The following NCOR2 variants were observed in gnomAD, a reference collection of about 807,000 sequenced individuals.
NCOR2 encodes the protein CTG repeat protein 26.
A neutral mutation model predicts 262.9 loss-of-function variants in NCOR2; 81 were observed. The ratio of observed to expected loss-of-function variants is 0.31; its 90% CI spans 0.26 to 0.37. The LOEUF is 0.37. Ranked by LOEUF, NCOR2 falls within the 10% of genes least tolerant of loss-of-function variation. The probability of loss-of-function intolerance (pLI) is 1.00; values close to 1 mark genes in which losing one functional copy is unlikely to be tolerated. For missense variants in NCOR2, 3,385 were observed against 3,621.4 expected (o/e 0.93, Z 1.68); for synonymous variants, 1,659 against 1,559.3 (o/e 1.06, Z -1.51).
intron 20 of NCOR2, among the ~76,000 whole-genome samples, chr12:124,369,644 C>T (rs964916279): frequency 1.3e-5 from 2 of 152,128 alleles, no homozygotes; most frequent in African/African-American, 4.8e-5. Context: ...AGAGTCCAGC[C>T]TCGTTCACTG....
At chr12:124,564,692 C>G (rs2052176853) in intron 1 of NCOR2, among the ~76,000 whole-genome samples, 1 of 151,994 alleles carries the variant, frequency 6.6e-6, no homozygotes, top group South Asian at 2.1e-4. Flanking sequence ...GCGTAGGTAC[C>G]ACCCCCGCCT....
upstream of NCOR2, among the ~76,000 whole-genome samples, chr12:124,536,173 C>G (rs1298147473): frequency 6.6e-6 from 1 of 152,144 alleles, no homozygotes; most frequent in Non-Finnish European, 1.5e-5. Flanking sequence ...AGCCCCAACC[C>G]TAAGGCGATC....
At chr12:124,366,340 A>G (rs2039035121) in intron 20 of NCOR2, among the ~76,000 whole-genome samples, 1 of 152,254 alleles carries the variant, frequency 6.6e-6, no homozygotes, top group Non-Finnish European at 1.5e-5. Flanking sequence ...TAGTCGCAGA[A>G]GGCCTCTAGT....
At chr12:124,362,095 C>T (rs2038635724) in intron 22 of NCOR2, 31 bp downstream of exon 24, 1 of 1,273,986 alleles carries the variant, frequency 7.8e-7, no homozygotes, top group Admixed American at 3.3e-5. Flanking sequence ...CCTGCTGCCC[C>T]AGCCCCACTC....
rs551092317 is a variant in NCOR2, at chr12:124,374,518, G to C, written c.2168-55C>G. ...TGAGGCAGCACCAAGTAGTGGGAGG[G>C]GAGGGAGGAGGCAACGTGGCCAAGA... On this transcript the variant is annotated intron_variant, in intron 18 of 46. Transcript: ENST00000405201. 4.2e-5 allele frequency: 65 copies of C among 1,558,576 alleles called. No individual in the cohort carries two copies. In the African/African-American group the frequency reaches 8.3e-4, roughly 20 times the overall value.
chr12:124,372,465 C>G (rs764876449), exon 20 of NCOR2: 15 of 1,558,826 alleles, frequency 9.6e-6, no homozygotes, highest in Non-Finnish European at 1.3e-5. Flanking sequence ...CCGGGATGTC[C>G]TCCGGTGGTG....
chr12:124,391,709 T>C (rs1172841250), intron 16 of NCOR2, among the ~76,000 whole-genome samples: 1 of 152,196 alleles, frequency 6.6e-6, no homozygotes, highest in Non-Finnish European at 1.5e-5. Flanking sequence ...CTATCTGCCT[T>C]AGCCTCCGCA....
At chr12:124,498,817 G>A (rs139633360), upstream of NCOR2, among the ~76,000 whole-genome samples, 43 of 152,324 alleles carry the variant, frequency 2.8e-4, no homozygotes, top group Admixed American at 2.3e-3. Flanking sequence ...AAAGAGGAAC[G>A]AAGGACGGCT....
At chr12:124,383,207 C>T (rs2040540061) in intron 17 of NCOR2, among the ~76,000 whole-genome samples, 2 of 152,182 alleles carry the variant, frequency 1.3e-5, no homozygotes, top group South Asian at 4.1e-4. Flanking sequence ...TTATTGTCCC[C>T]ATTTCACAGA....
chr12:124,346,206 C>T (rs1426712927), intron 31 of NCOR2, among the ~76,000 whole-genome samples: 3 of 152,172 alleles, frequency 2.0e-5, no homozygotes, highest in Admixed American at 6.5e-5. Context: ...AAACAATGAA[C>T]GCATGCAACA....
upstream of NCOR2, among the ~76,000 whole-genome samples, chr12:124,496,079 G>A (rs1407674680): frequency 1.3e-5 from 2 of 152,034 alleles, no homozygotes; most frequent in South Asian, 2.1e-4. This position sits in a 1 kb window ranked among gnomAD's most constrained non-coding sequence, Gnocchi z 4.4. Context: ...CACGGGAGAG[G>A]ATCTACTCGT....
intron 1 of NCOR2, among the ~76,000 whole-genome samples, chr12:124,494,787 C>A (rs1490314117): frequency 6.6e-6 from 1 of 152,176 alleles, no homozygotes; most frequent in East Asian, 1.9e-4. Flanking sequence ...CCACCCCAAT[C>A]CTACCCAATA....
At chr12:124,486,330 C>T in intron 2 of NCOR2, 111 bp downstream of exon 4, 1 of 1,480,280 alleles carries the variant, frequency 6.8e-7, no homozygotes. Flanking sequence ...GGCCCGACAT[C>T]CCCTCATTTC....
At position 124,527,233 on chromosome 12, in the gene NCOR2, A is replaced by T. The variant is rs189247123; in HGVS notation, c.-118+8332T>A. Among the ~76,000 whole-genome samples, 23 of 152,214 alleles carry T rather than the reference A, an allele frequency of 1.5e-4. No individual in the cohort carries two copies. The South Asian group carries it at 1.9e-3, about 12-fold the overall frequency. ...GCACAGACGCGGCCACAGCACACACAGCACGCCCTGTAGGGTGAGATGGGA... is the reference window on the plus strand; with the variant it reads ...GCACAGACGCGGCCACAGCACACACTGCACGCCCTGTAGGGTGAGATGGGA... On this transcript the variant is annotated intron_variant, in intron 1 of 46. Coordinates refer to the NCOR2 transcript ENST00000404621.
chr12:124,388,791 G>A lies in NCOR2; in HGVS notation c.1877-2904C>T, dbSNP rs535669235. The stretch of plus-strand genomic sequence containing the variant: ...TGGGCCGGCAGGCTGGGCGGCCGCG[G>A]TCGGCTCTGCGAGGCTGCTGGTTGG... On this transcript the variant is annotated intron_variant, in intron 16 of 46. Coordinates refer to ENST00000405201, the Ensembl canonical transcript of NCOR2. 2.8e-5 allele frequency: 36 copies of A among 1,302,764 alleles called. 1 individual carries two copies. The Admixed American group carries it at 5.1e-4, about 18-fold the overall frequency. The allele number at this position is 1,302,764 out of a possible 1,614,324, so 80.7% of individuals were successfully genotyped here. A position where few individuals can be genotyped will look rare whatever the true frequency, so the allele number is the denominator to read the frequency against.
chr12:124,527,511 G>C (rs753373721), intron 1 of NCOR2, among the ~76,000 whole-genome samples: 25 of 152,070 alleles, frequency 1.6e-4, no homozygotes, highest in Non-Finnish European at 2.8e-4. Context: ...TCTGCCTCCT[G>C]GGTTCAAACA....
At chr12:124,422,723 C>T (rs548092475) in intron 11 of NCOR2, among the ~76,000 whole-genome samples, 168 bp from the exon 14 acceptor site, 2 of 146,060 alleles carry the variant, frequency 1.4e-5, no homozygotes, top group Admixed American at 6.8e-5. Flanking sequence ...CTGCGGCAGA[C>T]GGGAGGGGTG....
chr12:124,367,533 G>T (rs962954307), intron 20 of NCOR2, among the ~76,000 whole-genome samples: 2 of 152,188 alleles, frequency 1.3e-5, no homozygotes, highest in African/African-American at 2.4e-5. Flanking sequence ...CCATCTGACC[G>T]CCCCTTGTCC....
At chr12:124,466,031 T>C in intron 5 of NCOR2, 142 bp downstream of exon 7, 2 of 824,366 alleles carry the variant, frequency 2.4e-6, no homozygotes, top group South Asian at 3.6e-5. Flanking sequence ...CACCCACTCA[T>C]AAACCCTGCG....
Sources: gnomAD v4.1 joint callset for allele counts (sites outside exome capture counted in the v4.1 genomes callset) on GRCh38, gnomAD v4.1.1 for gene constraint, Gnocchi (gnomAD v3.1) non-coding constraint, MANE v1.5 for transcripts, NCBI Gene and HGNC (gene_info 2026-07-23, HGNC 2026-07-21) for gene names.